KIRREL3: variants seen among roughly 807,000 people sequenced by gnomAD.
KIRREL3 encodes the protein kirre like nephrin family adhesion molecule 3.
Under a neutral mutation model 89.7 loss-of-function variants are expected in KIRREL3, and 36 were observed. The ratio of observed to expected loss-of-function variants is 0.40; its 90% CI spans 0.31 to 0.53. KIRREL3 has a LOEUF of 0.53. Ranked by LOEUF, KIRREL3 falls within the 20% of genes least tolerant of loss-of-function variation. KIRREL3 has a pLI of 0.49. For missense variants in KIRREL3, 864 were observed against 1,056.6 expected, an observed-to-expected ratio of 0.82 and a Z score of 2.53; for synonymous variants, 445 against 441.4, an observed-to-expected ratio of 1.01 and a Z score of -0.10.
chr11:126,784,014 C>T (rs1439572166), intron 1 of KIRREL3, among the ~76,000 whole-genome samples: 1 of 152,162 alleles, frequency 6.6e-6, no homozygotes, highest in Non-Finnish European at 1.5e-5. Context: ...TCAAACAAAT[C>T]CCCATCGAGG....
intron 1 of KIRREL3, chr11:126,681,830 C>T (rs577297387): frequency 5.8e-5 from 26 of 450,926 alleles, no homozygotes; most frequent in Admixed American, 1.7e-4. Context: ...GAGGAATCTG[C>T]GTTTCAGAAT....
At chr11:126,657,204 G>A (rs1458336568) in intron 1 of KIRREL3, among the ~76,000 whole-genome samples, 1 of 151,740 alleles carries the variant, frequency 6.6e-6, no homozygotes, top group Non-Finnish European at 1.5e-5. Flanking sequence ...AATAGATCAT[G>A]CATAATCTCT....
rs5795499 is a variant in KIRREL3, at chr11:126,493,654, CAAAAAAA to C, written c.434-20195_434-20189del. 7.3e-5 allele frequency among the ~76,000 whole-genome samples: 6 copies of C among 82,236 alleles called. No individual in the cohort carries two copies. The Admixed American group carries it at 9.1e-4, about 12-fold the overall frequency. 54.0% of individuals were successfully genotyped at this position (82,236 alleles called of 152,430 possible). A position where few individuals can be genotyped will look rare whatever the true frequency, so the allele number is the denominator to read the frequency against. On this transcript the variant is annotated intron_variant, in intron 4 of 16. Transcript: ENST00000525144. ...TGGGCGACAGAGCAAGACTCTGTCT[CAAAAAAA>C]AAAAAAAAAAAAAAGAGAGAATTGG...
intron 1 of KIRREL3, among the ~76,000 whole-genome samples, chr11:126,947,013 C>T (rs192952918): frequency 4.0e-4 from 61 of 152,194 alleles, no homozygotes; most frequent in Middle Eastern, 3.4e-3. Flanking sequence ...GCTCTAGAAC[C>T]CAAGTTCCTA....
Position 126,712,290 on chromosome 11 carries a change from CGT to C in KIRREL3, c.56-149380_56-149379del, listed in dbSNP as rs1297252981. Among the ~76,000 whole-genome samples the C allele has an allele frequency of 1.1e-3, 157 of 141,456 alleles. 2 individuals carry two copies. In the South Asian group the frequency reaches 0.024, roughly 22 times the overall value. The allele number at this position is 141,456 out of a possible 152,430, so 92.8% of individuals were successfully genotyped here. Reference sequence around the variant, plus strand: ...GTGTGTGTGTGTGTGTGTGTGCGCGCGTGCATGCATTTTGGGGGGCTGGGGCT... The same window carrying C: ...GTGTGTGTGTGTGTGTGTGTGCGCGCGCATGCATTTTGGGGGGCTGGGGCT... On this transcript the variant is annotated intron_variant, in intron 1 of 16. Coordinates refer to ENST00000525144, the MANE Select transcript of KIRREL3 (RefSeq NM_032531.4).
At chr11:126,789,888 T>C (rs1254038887) in intron 1 of KIRREL3, among the ~76,000 whole-genome samples, 1 of 152,150 alleles carries the variant, frequency 6.6e-6, no homozygotes, top group Non-Finnish European at 1.5e-5. Context: ...TAATCTCAAT[T>C]CTGAAAAAAT....
At chr11:126,453,133 C>A (rs533748203) in intron 7 of KIRREL3, among the ~76,000 whole-genome samples, 2 of 151,248 alleles carry the variant, frequency 1.3e-5, no homozygotes, top group Admixed American at 1.3e-4. Context: ...AAGCCTCTCC[C>A]AATCAATGTC....
In KIRREL3 at chr11:126,995,183, C is replaced by T. The variant is rs144626983; in HGVS notation, c.55+5272G>A. The T allele has an allele frequency of 4.4e-6, 2 of 455,814 alleles. No individual in the cohort carries two copies. Among genetic ancestry groups the T allele is most frequent in the African/African-American group, 2.0e-5 (1 of 49,958 alleles). The allele number at this position is 455,814 out of a possible 1,614,324, so 28.2% of individuals were successfully genotyped here. ...ATGAAATCCAAGGGAACTGTTAGCC[C>T]CCCAGAGCAGCTGCTCCCACCGACC... On this transcript the variant is annotated intron_variant, in intron 1 of 16. Transcript: ENST00000525144. The surrounding 1 kb of genome is among the most constrained non-coding windows in gnomAD (Gnocchi z 6.5).
At chr11:126,493,609 C>G (rs561062603) in intron 4 of KIRREL3, among the ~76,000 whole-genome samples, 2 of 147,728 alleles carry the variant, frequency 1.4e-5, no homozygotes, top group South Asian at 2.2e-4. Flanking sequence ...GAGCTGAGAT[C>G]GCGCCACCGC....
rs1023321030 is a variant in KIRREL3, at chr11:126,782,012, G to A, written c.55+218443C>T. 6.6e-6 allele frequency among the ~76,000 whole-genome samples: 1 copy of A among 152,076 alleles called. No homozygotes were observed. The highest frequency in any genetic ancestry group is 1.9e-4 in the East Asian group (1 of 5,190). On this transcript the variant is annotated intron_variant, in intron 1 of 16. Coordinates refer to ENST00000525144, the MANE Select transcript of KIRREL3 (RefSeq NM_032531.4). This position sits in a 1 kb window ranked among gnomAD's most constrained non-coding sequence, Gnocchi z 4.1. ...AAGATTTTAAATAAAAAAGATTTGGGGAAAGTTAACACATTGACTAAAATT... is the reference window on the plus strand; with the variant it reads ...AAGATTTTAAATAAAAAAGATTTGGAGAAAGTTAACACATTGACTAAAATT...
chr11:126,598,392 T>C (rs1460122713), intron 1 of KIRREL3, among the ~76,000 whole-genome samples: 2 of 152,204 alleles, frequency 1.3e-5, no homozygotes, highest in Non-Finnish European at 2.9e-5. Context: ...AAATATGGAT[T>C]TCCTAGCCTT....
rs907371962 is a variant in KIRREL3 at position 126,525,504 on chromosome 11, T to G, written c.283+1034A>C. Among the ~76,000 whole-genome samples, 2 of 152,222 alleles carry G rather than the reference T, an allele frequency of 1.3e-5. No individual in the cohort carries two copies. Among genetic ancestry groups the G allele is most frequent in the African/African-American group, 4.8e-5 (2 of 41,460 alleles). On this transcript the variant is annotated intron_variant, in intron 3 of 16. Transcript: ENST00000525144. The surrounding 1 kb of genome is among the most constrained non-coding windows in gnomAD (Gnocchi z 5.4). ...TGACCATTGCTATAATGTTTCAATA[T>G]ACATTTTTGGCAAGACATAACTCAC... is the stretch of plus-strand genomic sequence containing the variant.
rs978060273 is a variant in KIRREL3 at position 126,566,217 on chromosome 11, T to A, written c.56-3305A>T. 1.3e-5 allele frequency among the ~76,000 whole-genome samples: 2 copies of A among 152,142 alleles called. No homozygotes were observed. Among genetic ancestry groups the A allele is most frequent in the South Asian group, 2.1e-4 (1 of 4,824 alleles). ...AAGGAAGTCCAGGGTCACCTGCAGA[T>A]GGGGCAGTGGAGGGCACTGTCCCAG... On this transcript the variant is annotated intron_variant, in intron 1 of 16. Coordinates refer to ENST00000525144, the MANE Select transcript of KIRREL3 (RefSeq NM_032531.4). The surrounding 1 kb of genome is among the most constrained non-coding windows in gnomAD (Gnocchi z 4.9).
In KIRREL3 at chr11:126,590,115, G is replaced by A. The variant is rs189145912; in HGVS notation, c.56-27203C>T. ...ACCCAGGAACCAGATTCTGAGGGCTGCATACCTAACCATTATACAGGCCTG... is the reference window on the plus strand; with the variant it reads ...ACCCAGGAACCAGATTCTGAGGGCTACATACCTAACCATTATACAGGCCTG... On this transcript the variant is annotated intron_variant, in intron 1 of 16. Coordinates refer to ENST00000525144, the MANE Select transcript of KIRREL3 (RefSeq NM_032531.4). Among the ~76,000 whole-genome samples the A allele has an allele frequency of 3.1e-3, 478 of 152,340 alleles. 2 individuals are homozygous for A. The highest frequency in any genetic ancestry group is 0.01 in the Middle Eastern group (3 of 294).
At chr11:126,665,753 A>G (rs2135034635) in intron 1 of KIRREL3, among the ~76,000 whole-genome samples, 1 of 152,358 alleles carries the variant, frequency 6.6e-6, no homozygotes, top group Admixed American at 6.5e-5. Flanking sequence ...ACTGAGGCAC[A>G]TGCTTCAGCC....
chr11:126,843,983 G>C lies in KIRREL3; in HGVS notation c.55+156472C>G, dbSNP rs930165277. ...GCAACCAGCAGCCCTCAGAACTGCT[G>C]TCTATGGAGTAGCCATTCTTTTGTT... is the stretch of plus-strand genomic sequence containing the variant. On this transcript the variant is annotated intron_variant, in intron 1 of 16. Transcript: ENST00000525144. This position sits in a 1 kb window ranked among gnomAD's most constrained non-coding sequence, Gnocchi z 4.6. Among the ~76,000 whole-genome samples, 1 of 152,182 alleles carries C rather than the reference G, an allele frequency of 6.6e-6. No individual in the cohort carries two copies. The highest frequency in any genetic ancestry group is 2.4e-5 in the African/African-American group (1 of 41,436).
chr11:126,829,613 C>T (rs1540247), intron 1 of KIRREL3, among the ~76,000 whole-genome samples: 131,355 of 152,126 alleles, frequency 0.86, 57,060 homozygotes, highest in East Asian at 1. Context: ...CTTCCCAATG[C>T]TCATGTGTTC....
intron 1 of KIRREL3, among the ~76,000 whole-genome samples, chr11:126,923,131 CTTCTTCTTCTTCTTCTTCTTCTT>C (rs1565422687): frequency 0.019 from 613 of 32,878 alleles, 123 homozygotes; most frequent in Middle Eastern, 0.032. Context: ...TCCTTCTTCT[CTTCTTCTTCTTCTTCTTCTTCTT>C]CTTCTTCTTC....
chr11:126,916,756 A>G (rs532513713), intron 1 of KIRREL3, among the ~76,000 whole-genome samples: 1 of 152,244 alleles, frequency 6.6e-6, no homozygotes, highest in South Asian at 2.1e-4. Context: ...GGTTTCGAAA[A>G]GAGATTTTGG....
Sources: allele counts gnomAD v4.1 joint callset (sites outside exome capture counted in the v4.1 genomes callset), GRCh38; gene constraint gnomAD v4.1.1; non-coding constraint Gnocchi (gnomAD v3.1); transcripts MANE v1.5; gene names NCBI Gene and HGNC (gene_info 2026-07-23, HGNC 2026-07-21).